The following OTUD7B variants were observed in gnomAD, a reference collection of about 807,000 sequenced individuals.
OTUD7B encodes OTU deubiquitinase 7B.
OTUD7B carries 34 observed loss-of-function variants against 82.2 expected under a neutral mutation model. That is an observed-to-expected ratio of 0.41 (90% CI 0.31 to 0.55). OTUD7B has a LOEUF of 0.55. OTUD7B is among the 20% of genes least tolerant of loss of function. OTUD7B has a pLI of 0.20. For missense variants in OTUD7B, 944 were observed against 1,062.1 expected (o/e 0.89, Z 1.55); for synonymous variants, 398 against 402.7 (o/e 0.99, Z 0.14).
chr1:150,035,443 C>G, the OTUD7B span, among the ~76,000 whole-genome samples: 1 of 152,246 alleles, frequency 6.6e-6, no homozygotes, highest in Admixed American at 6.5e-5. Context: ...TGGATGCCCT[C>G]ACTGACAAAA....
At chr1:150,015,030 A>G (rs1001104627), upstream of OTUD7B, among the ~76,000 whole-genome samples, 5 of 152,218 alleles carry the variant, frequency 3.3e-5, no homozygotes, top group Admixed American at 6.5e-5. Flanking sequence ...CTGACACTCC[A>G]TTAGCTAAGT....
chr1:150,040,941 T>C, the OTUD7B span, among the ~76,000 whole-genome samples: 24,624 of 151,924 alleles, frequency 0.16, 2,197 homozygotes, highest in African/African-American at 0.21. Context: ...AATTTGTGAC[T>C]TCAAGAGATC....
the OTUD7B span, among the ~76,000 whole-genome samples, chr1:150,046,799 G>A: frequency 1.3e-5 from 2 of 151,636 alleles, no homozygotes; most frequent in African/African-American, 2.4e-5. Flanking sequence ...GGGTGGGCAT[G>A]GTGGCTCACG....
chr1:150,033,640 C>T, the OTUD7B span, among the ~76,000 whole-genome samples: 22 of 152,150 alleles, frequency 1.4e-4, no homozygotes, highest in South Asian at 3.5e-3. Flanking sequence ...GTTTAAGCAC[C>T]GTAGCAAGCA....
chr1:150,032,042 G>A, the OTUD7B span, among the ~76,000 whole-genome samples: 1 of 152,160 alleles, frequency 6.6e-6, no homozygotes, highest in African/African-American at 2.4e-5. Context: ...CAGGCACGGT[G>A]GCTCATGCCT....
rs1648182679 is a variant in OTUD7B at position 149,950,975 on chromosome 1, GTATTTTTTTTTTT to G, written c.846-767_846-755del. Among the ~76,000 whole-genome samples the G allele has an allele frequency of 3.3e-4, 4 of 12,250 alleles. No homozygotes were observed. The East Asian group carries it at 4.7e-3, about 14-fold the overall frequency. 8.0% of individuals were successfully genotyped at this position (12,250 alleles called of 152,430 possible). A position where few individuals can be genotyped will look rare whatever the true frequency, so the allele number is the denominator to read the frequency against. ...CCCGGTCTAATTTTTTGTACTTTTT[GTATTTTTTTTTTT>G]TTTTTTTTTTTGTAGATGGAGTCTC... On this transcript the variant is annotated intron_variant, in intron 7 of 11. Transcript: ENST00000581312.
At chr1:150,016,193 C>T in the OTUD7B span, among the ~76,000 whole-genome samples, 24 of 152,222 alleles carry the variant, frequency 1.6e-4, no homozygotes, top group Middle Eastern at 0.01. Context: ...CTTTCTATTG[C>T]TTGTAACCAA....
chr1:150,063,315 G>A, the OTUD7B span, among the ~76,000 whole-genome samples: 409 of 152,218 alleles, frequency 2.7e-3, 3 homozygotes, highest in African/African-American at 9.3e-3. Flanking sequence ...AGCCAGTTTG[G>A]TGGCGGGCAC....
intron 1 of OTUD7B, among the ~76,000 whole-genome samples, chr1:149,986,237 TCACACACACACA>T (rs34962941): frequency 5.9e-5 from 8 of 136,544 alleles, no homozygotes; most frequent in African/African-American, 2.0e-4. Context: ...TGGTACCCCA[TCACACACACACA>T]CACACACACA....
At chr1:150,044,207 A>T in the OTUD7B span, among the ~76,000 whole-genome samples, 4 of 220 alleles carry the variant, frequency 0.018, no homozygotes, top group South Asian at 0.25. Flanking sequence ...TTAAAGGTTT[A>T]TTTTATTTTT....
At chr1:150,045,076 T>A in the OTUD7B span, among the ~76,000 whole-genome samples, 1 of 142,152 alleles carries the variant, frequency 7.0e-6, no homozygotes, top group African/African-American at 2.6e-5. Context: ...TAAACAATAT[T>A]ATTTGTTCTT....
chr1:150,065,733 T>C, the OTUD7B span, among the ~76,000 whole-genome samples: 4 of 152,122 alleles, frequency 2.6e-5, no homozygotes, highest in South Asian at 6.2e-4. Flanking sequence ...AAGAAGTTCT[T>C]AATTTGGAGA....
chr1:150,003,273 A>G (rs1553785384), intron 1 of OTUD7B, among the ~76,000 whole-genome samples: 1,624 of 151,236 alleles, frequency 0.011, 43 homozygotes, highest in African/African-American at 0.038. Context: ...AAAAGATAAA[A>G]ACTCTGTATG....
intron 1 of OTUD7B, among the ~76,000 whole-genome samples, chr1:149,980,145 C>T (rs1650615921): frequency 6.6e-6 from 1 of 151,672 alleles, no homozygotes; most frequent in South Asian, 2.1e-4. Flanking sequence ...ATAGATCTCA[C>T]ATGTCAACAC....
intron 1 of OTUD7B, among the ~76,000 whole-genome samples, chr1:149,996,198 G>A (rs1651911453): frequency 6.6e-6 from 1 of 152,330 alleles, no homozygotes; most frequent in Middle Eastern, 3.4e-3. Flanking sequence ...AGTTCTCAAA[G>A]CACAAACTCA....
chr1:150,008,135 G>A (rs1652788662), intron 1 of OTUD7B, among the ~76,000 whole-genome samples: 1 of 152,168 alleles, frequency 6.6e-6, no homozygotes, highest in South Asian at 2.1e-4. Context: ...AGGAATAGTG[G>A]TGGACTACCA....
At chr1:150,041,770 T>C in the OTUD7B span, among the ~76,000 whole-genome samples, 13 of 152,288 alleles carry the variant, frequency 8.5e-5, no homozygotes, top group Admixed American at 6.5e-4. Context: ...TTATTGTTTG[T>C]TTTTTATTTC....
the OTUD7B span, among the ~76,000 whole-genome samples, chr1:150,060,516 G>A: frequency 7.5e-4 from 114 of 152,216 alleles, no homozygotes; most frequent in Middle Eastern, 6.8e-3. Context: ...GAGGAAATAC[G>A]TTTCTATTGT....
intron 1 of OTUD7B, among the ~76,000 whole-genome samples, chr1:150,000,311 TA>T (rs1175489462): frequency 6.6e-6 from 1 of 151,398 alleles, no homozygotes; most frequent in East Asian, 1.9e-4. Context: ...CTGTCTCTAC[TA>T]AAAAATACAA....
Sources: gnomAD v4.1 joint callset for allele counts (sites outside exome capture counted in the v4.1 genomes callset) on GRCh38, gnomAD v4.1.1 for gene constraint, MANE v1.5 for transcripts, NCBI Gene and HGNC (gene_info 2026-07-23, HGNC 2026-07-21) for gene names.